The following LRRIQ1 variants were observed in gnomAD, a reference collection of about 807,000 sequenced individuals.
LRRIQ1 encodes the protein leucine rich repeats and IQ motif containing 1.
LRRIQ1 carries 210 observed loss-of-function variants against 211.9 expected under a neutral mutation model. The ratio of observed to expected loss-of-function variants is 0.99; its 90% CI spans 0.89 to 1.11. The LOEUF (loss-of-function observed/expected upper bound fraction) is 1.11. Ranked by LOEUF, LRRIQ1 falls within the 50% of genes most tolerant of loss-of-function variation. LRRIQ1 has a pLI of 0.00. For missense variants in LRRIQ1, 2,136 were observed against 1,939.5 expected, an observed-to-expected ratio of 1.10 and a Z score of -1.90; for synonymous variants, 699 against 650.1, an observed-to-expected ratio of 1.08 and a Z score of -1.14.
rs756252218 is a variant in LRRIQ1, at chr12:85,124,396, T to C, written c.3884T>C (p.Val1295Ala). Reference sequence around the variant, plus strand: ...GAAGGAAGACATCAGGAAATATTAGTATGTCAGAAGAGAGAAGACAGCAAG... The same window carrying C: ...GAAGGAAGACATCAGGAAATATTAGCATGTCAGAAGAGAGAAGACAGCAAG... The part of the protein sequence containing the change: ...NMEGRHQEIL[V>A]CQKREDSKAS... Residue 1295 changes from valine to alanine, a missense_variant, in exon 17 of 27, where the codon GTA becomes GCA. Transcript: ENST00000393217. 1.2e-6 allele frequency: 2 copies of C among 1,613,878 alleles called. No individual in the cohort carries two copies. Among genetic ancestry groups the C allele is most frequent in the Non-Finnish European group, 8.5e-7 (1 of 1,180,012 alleles).
chr12:85,147,438 G>A (rs1298494507), intron 19 of LRRIQ1, among the ~76,000 whole-genome samples: 1 of 151,760 alleles, frequency 6.6e-6, no homozygotes, highest in African/African-American at 2.4e-5. Context: ...GCATCTGTAT[G>A]AATAACACAG....
chr12:85,101,446 C>T (rs1886337950), intron 13 of LRRIQ1, among the ~76,000 whole-genome samples: 1 of 151,742 alleles, frequency 6.6e-6, no homozygotes, highest in Admixed American at 6.6e-5. Flanking sequence ...AACTATTACC[C>T]ATTGGCTGTT....
rs532330173 is a variant in LRRIQ1, at chr12:85,119,781, A to G, written c.3378-1916A>G. The stretch of plus-strand genomic sequence containing the variant: ...TTTTCTAATGAATATCATGCCGAAC[A>G]TCTTCTTATATGCTGGCTTGTCATC... On this transcript the variant is annotated intron_variant, in intron 15 of 26. Transcript: ENST00000393217. Among the ~76,000 whole-genome samples the G allele has an allele frequency of 5.3e-5, 8 of 152,288 alleles. No homozygotes were observed. In the East Asian group the frequency reaches 1.3e-3, roughly 26 times the overall value.
At chr12:85,136,146 C>T (rs1185253161) in intron 18 of LRRIQ1, among the ~76,000 whole-genome samples, 1 of 151,766 alleles carries the variant, frequency 6.6e-6, no homozygotes, top group Non-Finnish European at 1.5e-5. Context: ...TCCTCTCCCT[C>T]ACTCCTCCAA....
intron 8 of LRRIQ1, among the ~76,000 whole-genome samples, chr12:85,060,157 C>T (rs1881618846): frequency 6.6e-6 from 1 of 151,724 alleles, no homozygotes; most frequent in Non-Finnish European, 1.5e-5. Flanking sequence ...AAGAACATGG[C>T]CCAGGGCTTC....
chr12:85,128,117 C>A lies in LRRIQ1; in HGVS notation c.4209+84C>A, dbSNP rs547928089. 47 of 1,018,240 alleles carry A rather than the reference C, an allele frequency of 4.6e-5. No homozygotes were observed. The African/African-American group carries it at 6.3e-4, about 14-fold the overall frequency. 63.1% of individuals were successfully genotyped at this position (1,018,240 alleles called of 1,614,324 possible). Reference sequence around the variant, plus strand: ...TTTATTCTGTATTAAAAATAACCTCCAAATCTCAGTGATTACAGTTATGTA... The same window carrying A: ...TTTATTCTGTATTAAAAATAACCTCAAAATCTCAGTGATTACAGTTATGTA... On this transcript the variant is annotated intron_variant, in intron 18 of 26. Transcript: ENST00000393217.
At chr12:85,070,144 T>A (rs1011447087) in intron 10 of LRRIQ1, among the ~76,000 whole-genome samples, 18 of 152,000 alleles carry the variant, frequency 1.2e-4, no homozygotes, top group Non-Finnish European at 1.9e-4. Flanking sequence ...TTGATTAAGT[T>A]AAAAAGTAAG....
At chr12:85,043,918 C>T (rs773671571) in intron 3 of LRRIQ1, among the ~76,000 whole-genome samples, 6 of 151,982 alleles carry the variant, frequency 3.9e-5, no homozygotes, top group Admixed American at 6.6e-5. Flanking sequence ...TCCCTTTATA[C>T]ATAATAATTT....
chr12:85,140,483 A>G (rs1431672949), intron 19 of LRRIQ1, among the ~76,000 whole-genome samples: 1 of 151,330 alleles, frequency 6.6e-6, no homozygotes, highest in Non-Finnish European at 1.5e-5. Context: ...ATTAATTTTA[A>G]TAGATTATCT....
chr12:85,243,192 C>T (rs1410357326), intron 26 of LRRIQ1, among the ~76,000 whole-genome samples: 3 of 137,472 alleles, frequency 2.2e-5, no homozygotes, highest in Non-Finnish European at 4.5e-5. Context: ...TTCCCCTTAA[C>T]TTTTGACTGT....
chr12:85,178,177 A>G (rs556998306), intron 24 of LRRIQ1, among the ~76,000 whole-genome samples: 21 of 151,396 alleles, frequency 1.4e-4, no homozygotes, highest in African/African-American at 4.6e-4. Flanking sequence ...CTTTCTTTGG[A>G]TGTTGTCTTA....
chr12:85,262,387 A>C (rs866665228), intron 1 of LRRIQ1, among the ~76,000 whole-genome samples: 6 of 152,206 alleles, frequency 3.9e-5, no homozygotes, highest in Middle Eastern at 3.4e-3. Flanking sequence ...CCAGAGTCAC[A>C]AAGCTCTATT....
At chr12:85,149,456 G>C (rs1419213566) in intron 19 of LRRIQ1, among the ~76,000 whole-genome samples, 1 of 151,882 alleles carries the variant, frequency 6.6e-6, no homozygotes, top group Non-Finnish European at 1.5e-5. Context: ...AAATCAGATG[G>C]TTGTAGATGT....
chr12:85,258,208 C>T (rs1896180463), intron 1 of LRRIQ1, among the ~76,000 whole-genome samples: 1 of 151,202 alleles, frequency 6.6e-6, no homozygotes, highest in Non-Finnish European at 1.5e-5. Flanking sequence ...TTATTAACAC[C>T]AGTAATAATG....
In LRRIQ1 at chr12:85,261,443, C is replaced by T. The variant is rs1176553236; in HGVS notation, c.122-1472C>T. 5.9e-5 allele frequency among the ~76,000 whole-genome samples: 9 copies of T among 152,208 alleles called. No homozygotes were observed. In the East Asian group the frequency reaches 1.7e-3, roughly 29 times the overall value. On this transcript the variant is annotated intron_variant, in intron 1 of 1. Transcript: ENST00000602731. Reference sequence around the variant, plus strand: ...TCATGTTGCATCAAATTTGAAATTACAGACCAATTTCCTCAAATGGCCTAA... The same window carrying T: ...TCATGTTGCATCAAATTTGAAATTATAGACCAATTTCCTCAAATGGCCTAA...
chr12:85,048,187 A>C (rs1302326695), intron 6 of LRRIQ1: 1 of 152,408 alleles, frequency 6.6e-6, no homozygotes, highest in Non-Finnish European at 1.5e-5. Flanking sequence ...TGAGTGTTGC[A>C]TATAAAGAAC....
Position 85,104,069 on chromosome 12 carries a change from G to T in LRRIQ1, c.3275G>T (p.Cys1092Phe), listed in dbSNP as rs139188004. Residue 1092 changes from cysteine to phenylalanine, a missense_variant, in exon 14 of 27, where the codon TGT becomes TTT. Physicochemically the swap from Cys to Phe is radical, Grantham distance 205. Coordinates refer to ENST00000393217, the MANE Select transcript of LRRIQ1 (RefSeq NM_001079910.2). ...GAAAAGCTAGATGTCAGCCACAATT[G>T]TCTTTCTGGTAAGTTTAGCATAATA... ...SLEKLDVSHN[C>F]LSDLKSAIKW... 1.3e-4 allele frequency: 201 copies of T among 1,536,472 alleles called. No homozygotes were observed. The highest frequency in any genetic ancestry group is 1.6e-4 in the Non-Finnish European group (182 of 1,135,648).
intron 24 of LRRIQ1, among the ~76,000 whole-genome samples, chr12:85,188,216 A>T (rs1036270507): frequency 1.3e-5 from 2 of 152,146 alleles, no homozygotes; most frequent in African/African-American, 4.8e-5. Context: ...AAAATCATGT[A>T]ACATGATTCT....
chr12:85,126,982 A>T (rs1666282688), intron 17 of LRRIQ1, among the ~76,000 whole-genome samples: 1 of 152,176 alleles, frequency 6.6e-6, no homozygotes, highest in Non-Finnish European at 1.5e-5. Flanking sequence ...GGAAATGGAG[A>T]TAGGTCAAGA....
Sources: gnomAD v4.1 joint callset for allele counts (sites outside exome capture counted in the v4.1 genomes callset) on GRCh38, gnomAD v4.1.1 for gene constraint, MANE v1.5 for transcripts, NCBI Gene and HGNC (gene_info 2026-07-23, HGNC 2026-07-21) for gene names.